Variants in MAGI3 observed in about 807,000 individuals in gnomAD.
MAGI3 encodes the protein membrane associated guanylate kinase, WW and PDZ domain containing 3, also known as membrane-associated guanylate kinase, WW and PDZ domain-containing protein 3.
A neutral mutation model predicts 121.8 loss-of-function variants in MAGI3; 43 were observed. The ratio of observed to expected loss-of-function variants is 0.35; its 90% CI spans 0.28 to 0.46. The LOEUF (loss-of-function observed/expected upper bound fraction) is 0.46, where lower values mean the gene tolerates loss of function less well. Among genes scored for constraint, MAGI3 ranks in the 20% least tolerant of loss-of-function variants. The probability of loss-of-function intolerance (pLI) is 1.00; values close to 1 mark genes in which losing one functional copy is unlikely to be tolerated. For missense variants in MAGI3, 1,547 were observed against 1,797.3 expected (o/e 0.86, Z 2.52); for synonymous variants, 553 against 639.3 (o/e 0.86, Z 2.04).
chr1:113,634,265 C>T (rs1482879457), intron 9 of MAGI3, among the ~76,000 whole-genome samples: 1 of 151,288 alleles, frequency 6.6e-6, no homozygotes, highest in Non-Finnish European at 1.5e-5. Flanking sequence ...TCAATTTTGG[C>T]TTTTGTTGCC....
intron 16 of MAGI3, 96 bp downstream of exon 16, chr1:113,659,361 C>A (rs987084948): frequency 4.9e-6 from 6 of 1,215,958 alleles, no homozygotes; most frequent in Admixed American, 2.4e-5. Flanking sequence ...AGAATCACTG[C>A]GGGGATATAA....
rs376961041 is a variant in MAGI3 at position 113,586,411 on chromosome 1, C to G, written c.763+815C>G. Among the ~76,000 whole-genome samples, 8 of 152,228 alleles carry G rather than the reference C, an allele frequency of 5.3e-5. No homozygotes were observed. In the South Asian group the frequency reaches 6.2e-4, roughly 12 times the overall value. On this transcript the variant is annotated intron_variant, in intron 4 of 20. Coordinates refer to ENST00000307546, the MANE Select transcript of MAGI3 (RefSeq NM_001142782.2). Reference sequence around the variant, plus strand: ...TTCCTTATCATTTTCCCAAAGCACCCTAATCTTTTTCATCAATTATTAAAA... The same window carrying G: ...TTCCTTATCATTTTCCCAAAGCACCGTAATCTTTTTCATCAATTATTAAAA...
chr1:113,548,394 A>G (rs1659632254), intron 1 of MAGI3, among the ~76,000 whole-genome samples: 1 of 152,160 alleles, frequency 6.6e-6, no homozygotes, highest in South Asian at 2.1e-4. Flanking sequence ...ATATCTCTCT[A>G]TTTATTTCCC....
intron 1 of MAGI3, among the ~76,000 whole-genome samples, chr1:113,412,431 C>A (rs1305389986): frequency 6.6e-6 from 1 of 152,120 alleles, no homozygotes; most frequent in Non-Finnish European, 1.5e-5. Context: ...AGTTCTAGAT[C>A]CTTGAGGAAT....
At chr1:113,560,412 A>T (rs939611031) in intron 2 of MAGI3, among the ~76,000 whole-genome samples, 2 of 132,754 alleles carry the variant, frequency 1.5e-5, no homozygotes, top group African/African-American at 5.6e-5. Context: ...AACAAAAAAA[A>T]CCAAAAAAAC....
chr1:113,522,774 AAG>A (rs1557802446), intron 1 of MAGI3, among the ~76,000 whole-genome samples: 1 of 152,144 alleles, frequency 6.6e-6, no homozygotes, highest in Non-Finnish European at 1.5e-5. Flanking sequence ...TTATTTCTGT[AAG>A]TGTGTGTGTA....
chr1:113,413,342 G>A (rs1652110880), intron 1 of MAGI3, among the ~76,000 whole-genome samples: 1 of 152,112 alleles, frequency 6.6e-6, no homozygotes, highest in Non-Finnish European at 1.5e-5. Flanking sequence ...TTTTGCTTAG[G>A]ATTGTCTTGG....
intron 14 of MAGI3, 137 bp downstream of exon 14, chr1:113,651,343 A>G (rs1018346271): frequency 4.2e-6 from 3 of 718,250 alleles, no homozygotes; most frequent in Admixed American, 7.5e-5. Context: ...CCAGGGCCTC[A>G]CTGTGGAAGG....
At chr1:113,600,877 G>T (rs1408478627) in intron 6 of MAGI3, among the ~76,000 whole-genome samples, 2 of 152,126 alleles carry the variant, frequency 1.3e-5, no homozygotes, top group Admixed American at 1.3e-4. Flanking sequence ...CAGAGATATA[G>T]ATCAATGGGA....
chr1:113,395,087 G>GTTTTTTTTTTTTTTTTTTTTTTTTT (rs139532433), intron 1 of MAGI3, among the ~76,000 whole-genome samples: 1 of 33,244 alleles, frequency 3.0e-5, no homozygotes, highest in Non-Finnish European at 5.1e-5. Flanking sequence ...CTTTTTGTTA[G>GTTTTTTTTTTTTTTTTTTTTTTTTT]TTTTTTTTTT....
intron 16 of MAGI3, among the ~76,000 whole-genome samples, chr1:113,670,040 C>G (rs1368990344): frequency 2.7e-5 from 4 of 146,616 alleles, no homozygotes; most frequent in African/African-American, 7.5e-5. Flanking sequence ...ATAGCCCACT[C>G]TACTCCCACC....
intron 1 of MAGI3, among the ~76,000 whole-genome samples, chr1:113,535,060 C>A (rs1272773983): frequency 6.6e-6 from 1 of 152,136 alleles, no homozygotes; most frequent in East Asian, 1.9e-4. Context: ...GGACTGACTT[C>A]TCTAGCTTAA....
intron 1 of MAGI3, among the ~76,000 whole-genome samples, chr1:113,544,863 C>A (rs1002712846): frequency 6.6e-6 from 1 of 152,000 alleles, no homozygotes; most frequent in African/African-American, 2.4e-5. Context: ...AATCCTTTTC[C>A]TATAGTAAAA....
chr1:113,608,485 T>C (rs2101765348), intron 6 of MAGI3, among the ~76,000 whole-genome samples: 1 of 152,302 alleles, frequency 6.6e-6, no homozygotes, highest in South Asian at 2.1e-4. Flanking sequence ...GCCTTGCTGT[T>C]ATTTTACCCC....
At chr1:113,632,207 A>G (rs905288255) in intron 9 of MAGI3, among the ~76,000 whole-genome samples, 2 of 152,208 alleles carry the variant, frequency 1.3e-5, no homozygotes, top group African/African-American at 4.8e-5. Context: ...ATTACTTTAT[A>G]AAGTTAACAA....
chr1:113,526,628 G>T (rs887698303), intron 1 of MAGI3, among the ~76,000 whole-genome samples: 2 of 152,172 alleles, frequency 1.3e-5, no homozygotes, highest in Non-Finnish European at 2.9e-5. Flanking sequence ...TCAATTGGAA[G>T]GTTACCTACA....
chr1:113,391,093 G>T lies in MAGI3; in HGVS notation c.60G>T (p.Val20=). ...TCAGCAAGGTGCAGGAGTGCGCCGTGTCCTGGGCCGGGCCCCCGGGCGACT... is the reference window on the plus strand; with the variant it reads ...TCAGCAAGGTGCAGGAGTGCGCCGTTTCCTGGGCCGGGCCCCCGGGCGACT... ...HWLSKVQECA[V]SWAGPPGDFG... is the part of the protein sequence containing the mutation. Residue 20 remains valine, a synonymous_variant, in exon 1 of 21, where the codon GTG becomes GTT. Transcript: ENST00000307546. The surrounding 1 kb of genome is among the most constrained non-coding windows in gnomAD (Gnocchi z 4.4). 1.3e-6 allele frequency: 2 copies of T among 1,587,992 alleles called. No homozygotes were observed. The highest frequency in any genetic ancestry group is 2.3e-5 in the South Asian group (2 of 87,222).
intron 1 of MAGI3, among the ~76,000 whole-genome samples, chr1:113,430,713 T>G (rs182262387): frequency 1.3e-5 from 2 of 152,300 alleles, no homozygotes; most frequent in East Asian, 3.9e-4. Context: ...CATTTAAATG[T>G]CTTTGATTTC....
intron 9 of MAGI3, among the ~76,000 whole-genome samples, chr1:113,639,023 A>G (rs1652253677): frequency 6.6e-6 from 1 of 152,240 alleles, no homozygotes; most frequent in African/African-American, 2.4e-5. Context: ...CCGTGGGCGT[A>G]GGACCCTCCG....
Sources: gnomAD v4.1 joint callset for allele counts (sites outside exome capture counted in the v4.1 genomes callset) on GRCh38, gnomAD v4.1.1 for gene constraint, Gnocchi (gnomAD v3.1) non-coding constraint, MANE v1.5 for transcripts, NCBI Gene and HGNC (gene_info 2026-07-23, HGNC 2026-07-21) for gene names.